Variants in ZMAT4 observed in about 807,000 individuals in gnomAD.
ZMAT4 encodes zinc finger matrin-type 4.
Under a neutral mutation model 28.7 loss-of-function variants are expected in ZMAT4, and 17 were observed. That is an observed-to-expected ratio of 0.59 (90% CI 0.41 to 0.89). The LOEUF is 0.89. Among genes scored for constraint, ZMAT4 ranks in the 40% least tolerant of loss-of-function variants. The pLI is 0.00. For synonymous variants in ZMAT4, 117 were observed against 109.2 expected (o/e 1.07, Z -0.44); for missense variants, 240 against 283.8 (o/e 0.85, Z 1.11).
At chr8:40,588,030 G>A (rs1337987603) in intron 5 of ZMAT4, among the ~76,000 whole-genome samples, 1 of 151,904 alleles carries the variant, frequency 6.6e-6, no homozygotes, top group African/African-American at 2.4e-5. Context: ...AATGATAAAA[G>A]AAGAAATTCA....
intron 1 of ZMAT4, among the ~76,000 whole-genome samples, chr8:40,872,292 T>A (rs1817885528): frequency 6.6e-6 from 1 of 152,186 alleles, no homozygotes; most frequent in Non-Finnish European, 1.5e-5. Context: ...GAAGGGGGCA[T>A]CCCACAGAGC....
At chr8:40,657,342 C>A (rs560384113) in intron 5 of ZMAT4, among the ~76,000 whole-genome samples, 1 of 147,706 alleles carries the variant, frequency 6.8e-6, no homozygotes, top group Admixed American at 7.0e-5. Flanking sequence ...CTTCTTTCAG[C>A]ATTTCCAGTA....
intron 3 of ZMAT4, among the ~76,000 whole-genome samples, chr8:40,743,330 A>C (rs1272451407): frequency 6.6e-6 from 1 of 152,176 alleles, no homozygotes; most frequent in Non-Finnish European, 1.5e-5. Flanking sequence ...ACAGCTGAAC[A>C]GGGAGCTTCC....
intron 2 of ZMAT4, among the ~76,000 whole-genome samples, chr8:40,779,576 G>C (rs1397797590): frequency 6.6e-6 from 1 of 152,128 alleles, no homozygotes; most frequent in Admixed American, 6.5e-5. Flanking sequence ...TTGATCCTTG[G>C]ATCACCTATT....
At chr8:40,778,466 G>C (rs949178406) in intron 2 of ZMAT4, among the ~76,000 whole-genome samples, 1 of 152,158 alleles carries the variant, frequency 6.6e-6, no homozygotes, top group Non-Finnish European at 1.5e-5. Context: ...GTGGAAGTGG[G>C]GCAGGGATGA....
chr8:40,820,909 G>GTGTGTT (rs1554564149), intron 2 of ZMAT4, among the ~76,000 whole-genome samples: 15 of 146,002 alleles, frequency 1.0e-4, no homozygotes, highest in Non-Finnish European at 2.1e-4. Flanking sequence ...GTGTTTGTGT[G>GTGTGTT]TATGTGTGTG....
chr8:40,626,864 A>C (rs1424720049), intron 5 of ZMAT4, among the ~76,000 whole-genome samples: 2 of 152,234 alleles, frequency 1.3e-5, no homozygotes, highest in African/African-American at 4.8e-5. Context: ...CAGTTTACTG[A>C]GTTTGGAGTT....
intron 5 of ZMAT4, among the ~76,000 whole-genome samples, chr8:40,661,758 G>A (rs936460542): frequency 2.0e-5 from 3 of 152,244 alleles, no homozygotes; most frequent in South Asian, 4.1e-4. Context: ...TAATGGATAC[G>A]TCTTCCTAGA....
At chr8:40,605,351 T>C (rs1174711437) in intron 5 of ZMAT4, among the ~76,000 whole-genome samples, 1 of 152,222 alleles carries the variant, frequency 6.6e-6, no homozygotes, top group Non-Finnish European at 1.5e-5. Flanking sequence ...CCACTTTTGC[T>C]GTATCCCAGA....
chr8:40,595,510 C>T (rs1272990032), intron 5 of ZMAT4, among the ~76,000 whole-genome samples: 1 of 152,028 alleles, frequency 6.6e-6, no homozygotes, highest in East Asian at 1.9e-4. Context: ...GTATAGCTTA[C>T]CTACACACTT....
chr8:40,541,986 GC>G (rs1333028010), intron 6 of ZMAT4, among the ~76,000 whole-genome samples: 1 of 152,236 alleles, frequency 6.6e-6, no homozygotes, highest in Non-Finnish European at 1.5e-5. Flanking sequence ...TGGCCCTCGG[GC>G]AGAGTGGGAC....
At chr8:40,705,347 G>T (rs1810305919) in intron 3 of ZMAT4, among the ~76,000 whole-genome samples, 1 of 152,104 alleles carries the variant, frequency 6.6e-6, no homozygotes. Context: ...AGGGGCCCGA[G>T]AGAGCAAAGG....
At chr8:40,808,771 A>C (rs1440189178) in intron 2 of ZMAT4, among the ~76,000 whole-genome samples, 1 of 152,030 alleles carries the variant, frequency 6.6e-6, no homozygotes, top group Non-Finnish European at 1.5e-5. Context: ...AATCTCCAAT[A>C]AGATGCCAAC....
At chr8:40,669,713 A>AGG (rs1462544495) in intron 5 of ZMAT4, among the ~76,000 whole-genome samples, 1 of 152,226 alleles carries the variant, frequency 6.6e-6, no homozygotes, top group East Asian at 1.9e-4. Context: ...TAAGGCTTCC[A>AGG]GTCAACAGTA....
intron 5 of ZMAT4, among the ~76,000 whole-genome samples, chr8:40,626,525 C>T (rs563870620): frequency 5.2e-4 from 79 of 152,342 alleles, no homozygotes; most frequent in African/African-American, 1.7e-3. Flanking sequence ...CTGCTAACTG[C>T]CAGCCCCAGA....
intron 2 of ZMAT4, among the ~76,000 whole-genome samples, chr8:40,771,149 A>G (rs573396645): frequency 6.6e-6 from 1 of 151,976 alleles, no homozygotes; most frequent in African/African-American, 2.4e-5. Context: ...GGGGGGGAAG[A>G]AACTTTATAT....
At chr8:40,670,322 CTG>C (rs1215384230) in intron 5 of ZMAT4, among the ~76,000 whole-genome samples, 6 of 152,158 alleles carry the variant, frequency 3.9e-5, no homozygotes, top group Non-Finnish European at 8.8e-5. Flanking sequence ...TCTGTAACAA[CTG>C]TGTAAATATA....
intron 1 of ZMAT4, among the ~76,000 whole-genome samples, chr8:40,849,598 T>C (rs1196043442): frequency 6.6e-6 from 1 of 152,142 alleles, no homozygotes; most frequent in Non-Finnish European, 1.5e-5. Flanking sequence ...ACCCACAACA[T>C]ATCCCCAAGA....
chr8:40,751,635 C>T (rs1233772866), intron 3 of ZMAT4, among the ~76,000 whole-genome samples: 4 of 152,020 alleles, frequency 2.6e-5, no homozygotes, highest in Non-Finnish European at 5.9e-5. Flanking sequence ...ACTATAACAT[C>T]AACCCCTGAA....
Sources: gnomAD v4.1 joint callset for allele counts (sites outside exome capture counted in the v4.1 genomes callset) on GRCh38, gnomAD v4.1.1 for gene constraint, MANE v1.5 for transcripts, NCBI Gene and HGNC (gene_info 2026-07-23, HGNC 2026-07-21) for gene names.